Variants in SCFD2 observed in about 807,000 individuals in gnomAD.
SCFD2 encodes the protein sec1 family domain containing 2.
SCFD2 carries 54 observed loss-of-function variants against 58.9 expected under a neutral mutation model. The observed-to-expected ratio is 0.92, with a 90% CI of 0.74 to 1.15. The LOEUF (loss-of-function observed/expected upper bound fraction) is 1.15. Ranked by LOEUF, SCFD2 falls within the 50% of genes most tolerant of loss-of-function variation. The pLI is 0.00. For synonymous variants in SCFD2, 321 were observed against 335.9 expected (o/e 0.96, Z 0.49); for missense variants, 805 against 836.6 (o/e 0.96, Z 0.47).
At chr4:53,250,863 A>C (rs10016473) in intron 4 of SCFD2, among the ~76,000 whole-genome samples, 38,250 of 152,098 alleles carry the variant, frequency 0.25, 5,251 homozygotes, top group Non-Finnish European at 0.32. Flanking sequence ...ACACATTCAA[A>C]AGCTAGCAGA....
chr4:53,029,723 C>A (rs550323192), intron 5 of SCFD2, among the ~76,000 whole-genome samples: 69 of 152,276 alleles, frequency 4.5e-4, no homozygotes, highest in Non-Finnish European at 7.4e-4. Flanking sequence ...AAAGGCAGTT[C>A]AATGGGGAAA....
At chr4:53,307,334 A>G (rs1170222590) in intron 3 of SCFD2, among the ~76,000 whole-genome samples, 3 of 152,148 alleles carry the variant, frequency 2.0e-5, no homozygotes, top group Non-Finnish European at 4.4e-5. Flanking sequence ...ATCCTGAGGG[A>G]CCCACCAAAG....
chr4:53,246,275 C>A, intron 4 of SCFD2, among the ~76,000 whole-genome samples: 1 of 152,086 alleles, frequency 6.6e-6, no homozygotes, highest in East Asian at 1.9e-4. Flanking sequence ...CTGCCCAAAG[C>A]AATGTACAGA....
intron 2 of SCFD2, among the ~76,000 whole-genome samples, chr4:53,339,251 C>T (rs903098599): frequency 1.3e-5 from 2 of 151,730 alleles, no homozygotes; most frequent in African/African-American, 4.8e-5. Flanking sequence ...GTTATGGGAG[C>T]TAATGTTTCT....
chr4:52,927,779 G>C (rs1424256677), intron 5 of SCFD2, among the ~76,000 whole-genome samples: 2 of 152,166 alleles, frequency 1.3e-5, no homozygotes, highest in African/African-American at 4.8e-5. Context: ...ATTGGTCAGG[G>C]TTTTGGCATT....
intron 4 of SCFD2, among the ~76,000 whole-genome samples, chr4:53,192,676 A>G (rs2148959381): frequency 6.6e-6 from 1 of 152,230 alleles, no homozygotes; most frequent in African/African-American, 2.4e-5. Flanking sequence ...TTATCTACAA[A>G]ATGGGGATGG....
intron 4 of SCFD2, among the ~76,000 whole-genome samples, chr4:53,180,096 A>G (rs1560372423): frequency 6.6e-6 from 1 of 152,178 alleles, no homozygotes; most frequent in African/African-American, 2.4e-5. Context: ...GAACAACGAG[A>G]CAGAAAGTTA....
chr4:53,066,947 C>T (rs1270793276), intron 5 of SCFD2, among the ~76,000 whole-genome samples: 1 of 152,046 alleles, frequency 6.6e-6, no homozygotes, highest in Non-Finnish European at 1.5e-5. Context: ...GCTGATGATG[C>T]TCATTCCTGC....
intron 5 of SCFD2, among the ~76,000 whole-genome samples, chr4:53,142,672 T>C (rs7696426): frequency 0.89 from 135,832 of 152,270 alleles, 60,720 homozygotes; most frequent in Non-Finnish European, 0.93. Context: ...CAATACTATG[T>C]TTTTTATCCT....
intron 5 of SCFD2, among the ~76,000 whole-genome samples, chr4:53,064,372 A>T (rs1723598541): frequency 6.6e-6 from 1 of 152,136 alleles, no homozygotes; most frequent in African/African-American, 2.4e-5. Context: ...ATAGACTGCC[A>T]TTTAAAGAAA....
intron 3 of SCFD2, among the ~76,000 whole-genome samples, chr4:53,301,532 A>G (rs899747569): frequency 1.2e-4 from 19 of 152,238 alleles, no homozygotes; most frequent in African/African-American, 4.3e-4. Flanking sequence ...ACAAGGAGGA[A>G]CTGGTACCAT....
chr4:53,197,415 A>G (rs1160870642), intron 4 of SCFD2, among the ~76,000 whole-genome samples: 1 of 151,898 alleles, frequency 6.6e-6, no homozygotes, highest in Admixed American at 6.6e-5. Flanking sequence ...ACTTAAAAGG[A>G]CTCCAGGTCA....
intron 3 of SCFD2, among the ~76,000 whole-genome samples, chr4:53,282,332 CTTCTACACTTCT>C (rs1373888198): frequency 3.9e-5 from 6 of 152,018 alleles, no homozygotes; most frequent in Non-Finnish European, 8.8e-5. Context: ...TTTCTCTGAT[CTTCTACACTTCT>C]TTCTATATTC....
chr4:53,222,261 C>T, intron 4 of SCFD2, among the ~76,000 whole-genome samples: 1 of 152,176 alleles, frequency 6.6e-6, no homozygotes, highest in East Asian at 1.9e-4. Context: ...GAATAAAAAT[C>T]TTGGTTTTGA....
At chr4:53,328,141 A>C (rs993226362) in intron 2 of SCFD2, among the ~76,000 whole-genome samples, 1 of 75,982 alleles carries the variant, frequency 1.3e-5, no homozygotes, top group African/African-American at 4.5e-5. Flanking sequence ...TCTCAAAAAA[A>C]AACAAAAAAA....
chr4:53,242,923 C>T (rs1259232061), intron 4 of SCFD2, among the ~76,000 whole-genome samples: 1 of 152,088 alleles, frequency 6.6e-6, no homozygotes, highest in Non-Finnish European at 1.5e-5. Context: ...GCCAGTCAGA[C>T]AAGAATAAAC....
At chr4:53,135,603 A>T (rs1027568350) in intron 5 of SCFD2, among the ~76,000 whole-genome samples, 1 of 152,084 alleles carries the variant, frequency 6.6e-6, no homozygotes, top group African/African-American at 2.4e-5. Flanking sequence ...TTAGCTGGGC[A>T]TGGTGGTACG....
At chr4:53,212,066 G>C (rs1456285264) in intron 4 of SCFD2, among the ~76,000 whole-genome samples, 1 of 152,000 alleles carries the variant, frequency 6.6e-6, no homozygotes, top group East Asian at 1.9e-4. Flanking sequence ...TATAATATTG[G>C]ATGGATAGTA....
At position 53,165,267 on chromosome 4, in the gene SCFD2, C is replaced by T. The variant is rs561345792; in HGVS notation, c.1312-19685G>A. 7.2e-5 allele frequency among the ~76,000 whole-genome samples: 11 copies of T among 152,296 alleles called. No homozygotes were observed. In the East Asian group the frequency reaches 1.9e-3, roughly 27 times the overall value. On this transcript the variant is annotated intron_variant, in intron 4 of 8. Transcript: ENST00000401642. ...GTTTGAGTTTGAGTGGGTTTGTGTA[C>T]GTGTGCACGCACTGTCTCTTCAACT...
Sources: allele counts gnomAD v4.1 joint callset (sites outside exome capture counted in the v4.1 genomes callset), GRCh38; gene constraint gnomAD v4.1.1; transcripts MANE v1.5; gene names NCBI Gene and HGNC (gene_info 2026-07-23, HGNC 2026-07-21).